ARIH1: variants seen among roughly 807,000 people sequenced by gnomAD.
ARIH1 encodes E3 ubiquitin-protein ligase ARIH1.
Under a neutral mutation model 85.0 loss-of-function variants are expected in ARIH1, and 8 were observed. That is an observed-to-expected ratio of 0.09 (90% CI 0.06 to 0.17). The LOEUF (loss-of-function observed/expected upper bound fraction) is 0.17. Ranked by LOEUF, ARIH1 falls within the 10% of genes least tolerant of loss-of-function variation. ARIH1 has a pLI of 1.00. For synonymous variants in ARIH1, 238 were observed against 253.6 expected, an observed-to-expected ratio of 0.94 and a Z score of 0.59; for missense variants, 311 against 718.1, an observed-to-expected ratio of 0.43 and a Z score of 6.48.
At chr15:72,522,477 G>A (rs2064004668) in intron 2 of ARIH1, among the ~76,000 whole-genome samples, 1 of 152,098 alleles carries the variant, frequency 6.6e-6, no homozygotes, top group Non-Finnish European at 1.5e-5. Flanking sequence ...CTGAGATTGT[G>A]CCATTGCACT....
rs932689568 is a variant in ARIH1 at position 72,602,378 on chromosome 15, T to C, written c.*19086T>C. On this transcript the variant is annotated 3_prime_UTR_variant, in exon 14 of 14. Coordinates refer to ENST00000379887, the MANE Select transcript of ARIH1 (RefSeq NM_005744.5). ...TATCTCTTGGAAACTAATTTGCATG[T>C]TTTTTTTCCTTGCACAGTTATATTT... The C allele has an allele frequency of 2.0e-5, 3 of 152,160 alleles. No individual in the cohort carries two copies. Among genetic ancestry groups the C allele is most frequent in the Admixed American group, 2.0e-4 (3 of 15,276 alleles). 9.4% of individuals were successfully genotyped at this position (152,160 alleles called of 1,614,324 possible). A position where few individuals can be genotyped will look rare whatever the true frequency, so the allele number is the denominator to read the frequency against.
intron 1 of ARIH1, among the ~76,000 whole-genome samples, chr15:72,476,828 T>C (rs2063796955): frequency 6.6e-6 from 1 of 152,236 alleles, no homozygotes; most frequent in South Asian, 2.1e-4. Context: ...GGAACCATAC[T>C]GTATGTTCTG....
At chr15:72,568,777 G>A (rs1048381367) in intron 9 of ARIH1, among the ~76,000 whole-genome samples, 28 of 152,132 alleles carry the variant, frequency 1.8e-4, no homozygotes, top group African/African-American at 5.3e-4. Flanking sequence ...AATTTCTTAT[G>A]TGGGTGATTT....
chr15:72,546,990 C>T (rs1480934161), intron 3 of ARIH1, among the ~76,000 whole-genome samples: 2 of 151,220 alleles, frequency 1.3e-5, no homozygotes, highest in South Asian at 2.1e-4. Flanking sequence ...TGCAGTGGTG[C>T]GATCTCGGCT....
chr15:72,481,776 G>A (rs2063817339), intron 1 of ARIH1, among the ~76,000 whole-genome samples: 1 of 152,170 alleles, frequency 6.6e-6, no homozygotes, highest in Non-Finnish European at 1.5e-5. Context: ...CATCGTAGAT[G>A]CTATCCTTCA....
At chr15:72,533,404 G>A (rs7174307) in intron 2 of ARIH1, among the ~76,000 whole-genome samples, 5,888 of 152,290 alleles carry the variant, frequency 0.039, 332 homozygotes, top group African/African-American at 0.13. Context: ...GATTATAGGC[G>A]TGAGCCCGTG....
chr15:72,509,026 C>T lies in ARIH1; in HGVS notation c.376-9041C>T, dbSNP rs1186452341. ...TTTTTTTTTGAGACTGAGTCTTGCT[C>T]TGTTGCCCAGGCTGGGTGCAGTGGC... On this transcript the variant is annotated intron_variant, in intron 1 of 13. Transcript: ENST00000379887. 6.9e-5 allele frequency among the ~76,000 whole-genome samples: 10 copies of T among 144,300 alleles called. No homozygotes were observed. In the East Asian group the frequency reaches 1.9e-3, roughly 27 times the overall value. The allele number at this position is 144,300 out of a possible 152,430, so 94.7% of individuals were successfully genotyped here.
In ARIH1 at chr15:72,474,476, C is replaced by G; in HGVS notation, c.-164C>G. On this transcript the variant is annotated 5_prime_UTR_variant, in exon 1 of 14. Transcript: ENST00000379887. ...CCGCGCCCTCCCCGCCGCCACCAGC[C>G]GTCAAACGCCAACCGCCGCTCCTGG... The G allele has an allele frequency of 1.1e-6, 1 of 921,586 alleles. No individual in the cohort carries two copies. The highest frequency in any genetic ancestry group is 1.5e-6 in the Non-Finnish European group (1 of 647,242). 57.1% of individuals were successfully genotyped at this position (921,586 alleles called of 1,614,324 possible). A position where few individuals can be genotyped will look rare whatever the true frequency, so the allele number is the denominator to read the frequency against.
intron 1 of ARIH1, among the ~76,000 whole-genome samples, chr15:72,498,079 A>G (rs1008037989): frequency 1.3e-5 from 2 of 152,104 alleles, no homozygotes; most frequent in African/African-American, 2.4e-5. Context: ...GATTCTACCA[A>G]AGGTATTAGG....
chr15:72,496,453 T>C (rs977239277), intron 1 of ARIH1, among the ~76,000 whole-genome samples: 5 of 152,218 alleles, frequency 3.3e-5, no homozygotes, highest in African/African-American at 7.2e-5. Context: ...CAGAAAGCCT[T>C]CTATGGATGT....
Position 72,474,919 on chromosome 15 carries a change from G to C in ARIH1, c.280G>C (p.Glu94Gln), listed in dbSNP as rs1481483194. 6.7e-7 allele frequency: 1 copy of C among 1,497,578 alleles called. No homozygotes were observed. Among genetic ancestry groups the C allele is most frequent in the Non-Finnish European group, 8.9e-7 (1 of 1,120,870 alleles). 92.8% of individuals were successfully genotyped at this position (1,497,578 alleles called of 1,614,324 possible). ...GGGGGGGPGH[E>Q]QEEDYRYEVL... ...CGGTGGTGGTGGCGGGCCGGGGCAT[G>C]AGCAGGAGGAGGATTACCGCTACGA... Residue 94 changes from glutamate to glutamine, a missense_variant, in exon 1 of 14, where the codon GAG becomes CAG. Transcript: ENST00000379887.
intron 1 of ARIH1, among the ~76,000 whole-genome samples, chr15:72,506,591 G>T (rs2063926724): frequency 6.6e-6 from 1 of 151,690 alleles, no homozygotes; most frequent in African/African-American, 2.4e-5. Context: ...TGTGACTTTT[G>T]AGTTTCTAAT....
intron 2 of ARIH1, among the ~76,000 whole-genome samples, chr15:72,529,276 T>TATCTCACC (rs2064044931): frequency 6.6e-6 from 1 of 152,198 alleles, no homozygotes; most frequent in Non-Finnish European, 1.5e-5. Context: ...CCTATCTCAC[T>TATCTCACC]ATCTCACCTA....
At chr15:72,519,964 A>G (rs1371868949) in intron 2 of ARIH1, among the ~76,000 whole-genome samples, 1 of 152,322 alleles carries the variant, frequency 6.6e-6, no homozygotes, top group East Asian at 1.9e-4. Context: ...TCTCCAAGAC[A>G]TTCTGAATTT....
At chr15:72,521,986 T>G (rs1352206974) in intron 2 of ARIH1, among the ~76,000 whole-genome samples, 2 of 152,224 alleles carry the variant, frequency 1.3e-5, no homozygotes, top group African/African-American at 4.8e-5. Context: ...TTGCTTTTCT[T>G]CCTGCATCCA....
intron 1 of ARIH1, among the ~76,000 whole-genome samples, chr15:72,509,393 G>C (rs780632683): frequency 3.3e-5 from 5 of 152,058 alleles, no homozygotes; most frequent in Admixed American, 6.6e-5. Flanking sequence ...ATTTACACTG[G>C]AGCATACAGT....
At chr15:72,531,375 C>CT (rs2064056086) in intron 2 of ARIH1, among the ~76,000 whole-genome samples, 1 of 152,140 alleles carries the variant, frequency 6.6e-6, no homozygotes. Flanking sequence ...TCAAGGCATT[C>CT]TAGGGCCTCA....
chr15:72,503,863 T>C (rs2063913324), intron 1 of ARIH1, among the ~76,000 whole-genome samples: 1 of 152,180 alleles, frequency 6.6e-6, no homozygotes, highest in Admixed American at 6.5e-5. Flanking sequence ...GCAAGTTTCA[T>C]GTGGGCCCTG....
chr15:72,526,149 G>T (rs931380513), intron 2 of ARIH1, among the ~76,000 whole-genome samples: 2 of 151,930 alleles, frequency 1.3e-5, no homozygotes, highest in African/African-American at 4.8e-5. Flanking sequence ...TCCTTATTTC[G>T]ATATATTTAA....
Sources: allele counts gnomAD v4.1 joint callset (sites outside exome capture counted in the v4.1 genomes callset), GRCh38; gene constraint gnomAD v4.1.1; transcripts MANE v1.5; gene names NCBI Gene and HGNC (gene_info 2026-07-23, HGNC 2026-07-21).